The following MLIP variants were observed in gnomAD, a reference collection of about 807,000 sequenced individuals.
The protein encoded by MLIP is muscular LMNA interacting protein, also known as muscular LMNA-interacting protein.
In MLIP, 79 loss-of-function variants were observed where a neutral mutation model predicts 84.8. That is an observed-to-expected ratio of 0.93 (90% CI 0.78 to 1.12). The LOEUF (loss-of-function observed/expected upper bound fraction) is 1.12. Ranked by LOEUF, MLIP falls within the 50% of genes most tolerant of loss-of-function variation. MLIP has a pLI of 0.00. For missense variants in MLIP, 1,257 were observed against 1,160.6 expected, an observed-to-expected ratio of 1.08 and a Z score of -1.21; for synonymous variants, 504 against 463.0, an observed-to-expected ratio of 1.09 and a Z score of -1.14.
intron 3 of MLIP, among the ~76,000 whole-genome samples, chr6:54,126,718 G>A (rs1031157409): frequency 2.6e-5 from 4 of 152,072 alleles, no homozygotes; most frequent in Non-Finnish European, 4.4e-5. Context: ...ATAGTGAACT[G>A]TAATGTACAA....
chr6:54,181,830 A>T (rs1004785615), intron 9 of MLIP, among the ~76,000 whole-genome samples: 1 of 152,208 alleles, frequency 6.6e-6, no homozygotes, highest in African/African-American at 2.4e-5. Flanking sequence ...TAATGGGGGC[A>T]TCATAGCTCT....
At chr6:54,077,458 C>A (rs1766874387) in intron 1 of MLIP, among the ~76,000 whole-genome samples, 2 of 151,612 alleles carry the variant, frequency 1.3e-5, no homozygotes, top group Admixed American at 1.3e-4. Flanking sequence ...ACTTGCAAAT[C>A]TATGAAAAAC....
chr6:54,021,428 T>C (rs4715435), intron 1 of MLIP, among the ~76,000 whole-genome samples: 84,675 of 152,022 alleles, frequency 0.56, 25,658 homozygotes, highest in Non-Finnish European at 0.69. Context: ...AAGCAATATG[T>C]ATTATTGGGT....
At chr6:54,104,880 C>A (rs1192363129) in intron 1 of MLIP, among the ~76,000 whole-genome samples, 2 of 152,000 alleles carry the variant, frequency 1.3e-5, no homozygotes, top group African/African-American at 4.8e-5. Flanking sequence ...TACGGGAAAC[C>A]ACGGGCTAAA....
intron 1 of MLIP, among the ~76,000 whole-genome samples, chr6:54,066,445 C>T (rs1451810405): frequency 2.0e-5 from 2 of 100,110 alleles, no homozygotes. Context: ...TGGACTTTTC[C>T]TTCCTCATTT....
intron 13 of MLIP, among the ~76,000 whole-genome samples, chr6:54,260,559 A>G (rs1424076967): frequency 6.6e-6 from 1 of 152,022 alleles, no homozygotes; most frequent in African/African-American, 2.4e-5. Flanking sequence ...CCAATCAAAT[A>G]AATCCATCAT....
chr6:54,049,726 A>G (rs1006481375), intron 1 of MLIP, among the ~76,000 whole-genome samples: 2 of 152,158 alleles, frequency 1.3e-5, no homozygotes, highest in Admixed American at 1.3e-4. Context: ...TATTCACAAT[A>G]TATAAATTGA....
chr6:54,209,923 G>T (rs1314879275), intron 11 of MLIP, among the ~76,000 whole-genome samples: 4 of 150,618 alleles, frequency 2.7e-5, no homozygotes, highest in Admixed American at 6.6e-5. Flanking sequence ...TTACAATAAG[G>T]CTCTTGAAAA....
intron 11 of MLIP, among the ~76,000 whole-genome samples, chr6:54,203,296 GAAAT>G (rs1248296872): frequency 2.0e-5 from 3 of 152,048 alleles, no homozygotes; most frequent in African/African-American, 7.2e-5. Flanking sequence ...ATTGAAATAT[GAAAT>G]TAATAAGCAA....
chr6:54,055,217 TGA>T (rs1168911882), intron 1 of MLIP, among the ~76,000 whole-genome samples: 1 of 152,156 alleles, frequency 6.6e-6, no homozygotes, highest in African/African-American at 2.4e-5. Flanking sequence ...GTCTGTTTCC[TGA>T]GTACACTTTT....
At chr6:54,129,004 G>A (rs928556361) in intron 3 of MLIP, among the ~76,000 whole-genome samples, 1 of 151,950 alleles carries the variant, frequency 6.6e-6, no homozygotes, top group Non-Finnish European at 1.5e-5. Flanking sequence ...ATGTAGCTCA[G>A]AAGTAAGAAC....
chr6:54,257,059 T>G (rs2150893528), intron 12 of MLIP, among the ~76,000 whole-genome samples: 1 of 152,236 alleles, frequency 6.6e-6, no homozygotes, highest in Non-Finnish European at 1.5e-5. Context: ...TGCTAAGCAC[T>G]GTTAGAGTTG....
At chr6:54,100,898 A>G (rs771966859) in intron 1 of MLIP, among the ~76,000 whole-genome samples, 8 of 152,116 alleles carry the variant, frequency 5.3e-5, no homozygotes, top group East Asian at 1.9e-4. Flanking sequence ...CCAGGATGAA[A>G]ATTACTGAGT....
chr6:54,221,495 G>T (rs1316516092), intron 11 of MLIP, among the ~76,000 whole-genome samples: 1 of 151,866 alleles, frequency 6.6e-6, no homozygotes, highest in Admixed American at 6.6e-5. Flanking sequence ...TGCAAAATGG[G>T]CAGGTTGAAT....
chr6:54,108,908 CTGAT>C, upstream of MLIP, among the ~76,000 whole-genome samples: 1 of 152,090 alleles, frequency 6.6e-6, no homozygotes, highest in South Asian at 2.1e-4. Context: ...CTGGAATAAA[CTGAT>C]TGACCACTGA....
intron 1 of MLIP, among the ~76,000 whole-genome samples, chr6:54,032,681 G>A (rs915768273): frequency 1.3e-5 from 2 of 152,200 alleles, no homozygotes; most frequent in South Asian, 2.1e-4. Flanking sequence ...AGCCTCCTGA[G>A]TAGCTGGGAC....
chr6:54,149,171 G>C, intron 5 of MLIP, 44 bp downstream of exon 5: 1 of 1,516,376 alleles, frequency 6.6e-7, no homozygotes, highest in Non-Finnish European at 9.1e-7. Context: ...TTTTTAATGT[G>C]ATTTTTAAAA....
chr6:54,206,407 A>G (rs537798307), intron 11 of MLIP, among the ~76,000 whole-genome samples: 1 of 152,218 alleles, frequency 6.6e-6, no homozygotes, highest in Non-Finnish European at 1.5e-5. Context: ...TTTTCCAAGA[A>G]ATATTTTTCT....
chr6:54,170,995 A>G (rs1775715685), intron 9 of MLIP, among the ~76,000 whole-genome samples: 1 of 151,386 alleles, frequency 6.6e-6, no homozygotes, highest in Non-Finnish European at 1.5e-5. Flanking sequence ...AGTTGCTGCA[A>G]TTTTTGCTCT....
Sources: gnomAD v4.1 joint callset for allele counts (sites outside exome capture counted in the v4.1 genomes callset) on GRCh38, gnomAD v4.1.1 for gene constraint, MANE v1.5 for transcripts, NCBI Gene and HGNC (gene_info 2026-07-23, HGNC 2026-07-21) for gene names.